Variants in SLC30A8 observed in about 807,000 individuals in gnomAD.
SLC30A8 encodes the protein proton-coupled zinc antiporter SLC30A8.
Under a neutral mutation model 36.9 loss-of-function variants are expected in SLC30A8, and 27 were observed. That is an observed-to-expected ratio of 0.73 (90% CI 0.54 to 1.01). The LOEUF (loss-of-function observed/expected upper bound fraction) is 1.01. SLC30A8 is among the 50% of genes least tolerant of loss of function. SLC30A8 has a pLI of 0.00. For missense variants in SLC30A8, 439 were observed against 452.0 expected (o/e 0.97, Z 0.26); for synonymous variants, 164 against 172.4 (o/e 0.95, Z 0.38).
intron 2 of SLC30A8, among the ~76,000 whole-genome samples, chr8:117,074,932 A>G (rs1245736292): frequency 6.6e-6 from 1 of 152,310 alleles, no homozygotes; most frequent in East Asian, 1.9e-4. Flanking sequence ...CAAACGGTAC[A>G]TGATTTACAA....
chr8:117,002,115 C>T (rs1374991392), intron 1 of SLC30A8, among the ~76,000 whole-genome samples: 1 of 152,192 alleles, frequency 6.6e-6, no homozygotes, highest in Non-Finnish European at 1.5e-5. Context: ...TTCAGTGCAT[C>T]AAAAATTCCA....
At chr8:116,994,417 A>ATTTC (rs1815748579) in intron 1 of SLC30A8, among the ~76,000 whole-genome samples, 1 of 152,092 alleles carries the variant, frequency 6.6e-6, no homozygotes, top group African/African-American at 2.4e-5. Flanking sequence ...TCAAATGGAA[A>ATTTC]AACAAATTGT....
At chr8:117,074,549 T>C (rs1361396299) in intron 2 of SLC30A8, among the ~76,000 whole-genome samples, 1 of 152,182 alleles carries the variant, frequency 6.6e-6, no homozygotes, top group African/African-American at 2.4e-5. Context: ...GCCATCACTG[T>C]CACTAACACA....
At chr8:117,144,707 G>T (rs1488015064) in intron 1 of SLC30A8, among the ~76,000 whole-genome samples, 2 of 152,048 alleles carry the variant, frequency 1.3e-5, no homozygotes, top group African/African-American at 4.8e-5. Flanking sequence ...TGAGAATCAG[G>T]TTCAGAATCT....
intron 2 of SLC30A8, among the ~76,000 whole-genome samples, chr8:117,127,808 T>G (rs546046917): frequency 6.6e-6 from 1 of 152,180 alleles, no homozygotes; most frequent in East Asian, 1.9e-4. Flanking sequence ...GGTATTTACT[T>G]TTTTCCTTCC....
At chr8:117,054,170 C>T (rs1817795520) in intron 2 of SLC30A8, among the ~76,000 whole-genome samples, 1 of 142,626 alleles carries the variant, frequency 7.0e-6, no homozygotes, top group Admixed American at 7.4e-5. Context: ...GCAAATATGG[C>T]TCACTGCAGC....
intron 2 of SLC30A8, among the ~76,000 whole-genome samples, chr8:117,089,726 CCTT>C (rs1314417615): frequency 6.6e-6 from 1 of 152,120 alleles, no homozygotes; most frequent in Non-Finnish European, 1.5e-5. Context: ...CCTCTTTCCT[CCTT>C]CTTTCTACTC....
chr8:117,036,112 C>G (rs533719282), intron 1 of SLC30A8, among the ~76,000 whole-genome samples: 3 of 152,088 alleles, frequency 2.0e-5, no homozygotes, highest in South Asian at 2.1e-4. Flanking sequence ...TTTGAATTCC[C>G]CCCCCCAGAA....
intron 2 of SLC30A8, among the ~76,000 whole-genome samples, chr8:117,083,382 G>A (rs1396132595): frequency 6.6e-6 from 1 of 152,104 alleles, no homozygotes; most frequent in African/African-American, 2.4e-5. Flanking sequence ...CCTCTCTCTG[G>A]GGTCAAGCTA....
chr8:117,056,045 A>G (rs978281927), intron 2 of SLC30A8: 11 of 152,226 alleles, frequency 7.2e-5, no homozygotes, highest in African/African-American at 2.7e-4. Flanking sequence ...CTGTCTGTGC[A>G]GTCCATTTGT....
At chr8:117,019,504 G>T (rs1816635009) in intron 1 of SLC30A8, among the ~76,000 whole-genome samples, 1 of 152,136 alleles carries the variant, frequency 6.6e-6, no homozygotes, top group African/African-American at 2.4e-5. Flanking sequence ...TTACAAGAGG[G>T]CAACAGAGTT....
chr8:117,144,456 C>T (rs1385753709), intron 1 of SLC30A8, among the ~76,000 whole-genome samples: 1 of 152,042 alleles, frequency 6.6e-6, no homozygotes, highest in African/African-American at 2.4e-5. Flanking sequence ...CAAGTAATTT[C>T]CCCTTTAAGA....
chr8:117,102,335 C>T (rs1819761148), intron 2 of SLC30A8, among the ~76,000 whole-genome samples: 1 of 152,026 alleles, frequency 6.6e-6, no homozygotes, highest in Non-Finnish European at 1.5e-5. Context: ...AATGAGTTGC[C>T]TAAATAATTT....
At chr8:117,041,772 T>G (rs996967645) in intron 2 of SLC30A8, among the ~76,000 whole-genome samples, 1 of 152,148 alleles carries the variant, frequency 6.6e-6, no homozygotes, top group Admixed American at 6.5e-5. Context: ...ACTTGACACA[T>G]TGATTGCTTT....
intron 1 of SLC30A8, among the ~76,000 whole-genome samples, chr8:117,028,077 C>G (rs958137290): frequency 2.0e-5 from 3 of 152,118 alleles, no homozygotes; most frequent in Non-Finnish European, 2.9e-5. Context: ...TGAAGGCTGC[C>G]GTGCGTTGGT....
At chr8:117,152,492 G>T (rs1434600733) in intron 2 of SLC30A8, among the ~76,000 whole-genome samples, 1 of 152,150 alleles carries the variant, frequency 6.6e-6, no homozygotes, top group Non-Finnish European at 1.5e-5. Flanking sequence ...AAAGGGTAAA[G>T]ATGCTGATTA....
intron 2 of SLC30A8, among the ~76,000 whole-genome samples, chr8:117,094,643 C>T (rs896073770): frequency 5.9e-5 from 9 of 152,242 alleles, no homozygotes; most frequent in Admixed American, 1.3e-4. Flanking sequence ...GAAAAAGCAC[C>T]GCAAGTTCCC....
At chr8:117,100,503 T>C (rs1819662929) in intron 2 of SLC30A8, among the ~76,000 whole-genome samples, 1 of 152,146 alleles carries the variant, frequency 6.6e-6, no homozygotes, top group Non-Finnish European at 1.5e-5. Context: ...TCCCCCGCTG[T>C]ACAACAGGGC....
chr8:117,159,469 T>G (rs1822668435), intron 4 of SLC30A8, among the ~76,000 whole-genome samples: 1 of 152,198 alleles, frequency 6.6e-6, no homozygotes, highest in Non-Finnish European at 1.5e-5. Context: ...CCCCTTGACA[T>G]CTCACTTACT....
Sources: gnomAD v4.1 joint callset for allele counts (sites outside exome capture counted in the v4.1 genomes callset) on GRCh38, gnomAD v4.1.1 for gene constraint, MANE v1.5 for transcripts, NCBI Gene and HGNC (gene_info 2026-07-23, HGNC 2026-07-21) for gene names.